The following ROBO1 variants were observed in gnomAD, a reference collection of about 807,000 sequenced individuals.
The protein encoded by ROBO1 is roundabout homolog 1.
ROBO1 carries 149 observed loss-of-function variants against 195.9 expected under a neutral mutation model. The ratio of observed to expected loss-of-function variants is 0.76; its 90% CI spans 0.67 to 0.87. The LOEUF (loss-of-function observed/expected upper bound fraction) is 0.87. Among genes scored for constraint, ROBO1 ranks in the 40% least tolerant of loss-of-function variants. ROBO1 has a pLI of 0.00. For missense variants in ROBO1, 1,933 were observed against 2,068.3 expected, an observed-to-expected ratio of 0.93 and a Z score of 1.27; for synonymous variants, 816 against 733.2, an observed-to-expected ratio of 1.11 and a Z score of -1.82.
chr3:79,330,009 C>T (rs533512732), intron 2 of ROBO1, among the ~76,000 whole-genome samples: 2 of 151,918 alleles, frequency 1.3e-5, no homozygotes, highest in African/African-American at 4.8e-5. Flanking sequence ...ATTTCAATAA[C>T]CTTATATAAT....
intron 19 of ROBO1, among the ~76,000 whole-genome samples, chr3:78,649,446 G>A (rs185857049): frequency 1.7e-4 from 26 of 152,230 alleles, no homozygotes; most frequent in Non-Finnish European, 1.2e-4. Context: ...GGTACCCAGC[G>A]AACTGGCAGA....
At chr3:79,590,431 G>A (rs927238763) in intron 1 of ROBO1, among the ~76,000 whole-genome samples, 3 of 151,708 alleles carry the variant, frequency 2.0e-5, no homozygotes, top group Non-Finnish European at 2.9e-5. Flanking sequence ...AACACCTTGA[G>A]GCCACTTTAA....
At chr3:79,510,042 G>T (rs1409185739) in intron 2 of ROBO1, among the ~76,000 whole-genome samples, 1 of 151,828 alleles carries the variant, frequency 6.6e-6, no homozygotes, top group Non-Finnish European at 1.5e-5. Flanking sequence ...AAATAAATAG[G>T]AAAGGCTATT....
chr3:79,245,330 T>C (rs1270723649), intron 2 of ROBO1, among the ~76,000 whole-genome samples: 1 of 152,146 alleles, frequency 6.6e-6, no homozygotes, highest in Non-Finnish European at 1.5e-5. Flanking sequence ...AAATTTATAC[T>C]TCATACAGGA....
intron 2 of ROBO1, among the ~76,000 whole-genome samples, chr3:79,530,982 G>A (rs560162488): frequency 2.6e-5 from 4 of 152,084 alleles, no homozygotes; most frequent in Admixed American, 6.6e-5. Flanking sequence ...TTCTGTGTGT[G>A]TTTCTTCCTT....
At chr3:78,979,115 G>C (rs1051304601) in intron 3 of ROBO1, among the ~76,000 whole-genome samples, 2 of 152,112 alleles carry the variant, frequency 1.3e-5, no homozygotes, top group African/African-American at 4.8e-5. Context: ...CTTATGGACG[G>C]GTGCTGTGTT....
chr3:78,915,639 A>G (rs558674918), intron 4 of ROBO1, among the ~76,000 whole-genome samples: 1 of 152,236 alleles, frequency 6.6e-6, no homozygotes, highest in South Asian at 2.1e-4. Flanking sequence ...AGTAAAATTT[A>G]CTGAAGATAT....
chr3:78,765,240 T>A lies in ROBO1; in HGVS notation c.500-18340A>T, dbSNP rs139347271. Among the ~76,000 whole-genome samples, 459 of 152,200 alleles carry A rather than the reference T, an allele frequency of 3.0e-3. 5 individuals are homozygous for A. Among genetic ancestry groups the A allele is most frequent in the African/African-American group, 0.01 (426 of 41,564 alleles). Reference sequence around the variant, plus strand: ...TTGCAGGGAAGGCAGGTGACTCTTTTATTTGGAACTGGGTCCACCCTAAAG... The same window carrying A: ...TTGCAGGGAAGGCAGGTGACTCTTTAATTTGGAACTGGGTCCACCCTAAAG... On this transcript the variant is annotated intron_variant, in intron 4 of 30. Transcript: ENST00000464233.
At chr3:79,513,431 A>C (rs138011586) in intron 2 of ROBO1, among the ~76,000 whole-genome samples, 1,881 of 152,156 alleles carry the variant, frequency 0.012, 32 homozygotes, top group Middle Eastern at 0.051. Flanking sequence ...GGAAAAAAAA[A>C]CTTTCAGATG....
chr3:79,625,625 C>T (rs1333459988), intron 1 of ROBO1, among the ~76,000 whole-genome samples: 2 of 151,842 alleles, frequency 1.3e-5, no homozygotes, highest in African/African-American at 4.8e-5. Flanking sequence ...GGATACATTC[C>T]TGGACATATA....
At chr3:78,801,185 A>G (rs1195609186) in intron 4 of ROBO1, among the ~76,000 whole-genome samples, 1 of 152,172 alleles carries the variant, frequency 6.6e-6, no homozygotes, top group Non-Finnish European at 1.5e-5. Flanking sequence ...TTTCCAGTCT[A>G]TTTGTCATAA....
rs372078086 is a variant in ROBO1 at position 79,039,758 on chromosome 3, C to T, written c.172+85698G>A. 9.3e-5 allele frequency among the ~76,000 whole-genome samples: 13 copies of T among 140,250 alleles called. No homozygotes were observed. The East Asian group carries it at 1.1e-3, about 12-fold the overall frequency. 92.0% of individuals were successfully genotyped at this position (140,250 alleles called of 152,430 possible). On this transcript the variant is annotated intron_variant, in intron 3 of 30. Transcript: ENST00000464233. ...AGAGGTTGCAGGTGACCCGAGATCG[C>T]GCCACTGTGCTCCAGCCTGGGCTAC...
chr3:78,848,758 A>G (rs987601128), intron 4 of ROBO1, among the ~76,000 whole-genome samples: 1 of 152,198 alleles, frequency 6.6e-6, no homozygotes, highest in Admixed American at 6.6e-5. Context: ...ACTTTATCTT[A>G]AAGTCTGTCT....
chr3:79,282,765 A>T (rs759486365), intron 2 of ROBO1, among the ~76,000 whole-genome samples: 12 of 152,184 alleles, frequency 7.9e-5, no homozygotes, highest in Non-Finnish European at 1.8e-4. Flanking sequence ...AGTAATGGGG[A>T]GAACCATGGC....
intron 1 of ROBO1, among the ~76,000 whole-genome samples, chr3:79,751,788 T>A (rs941976631): frequency 6.6e-6 from 1 of 152,196 alleles, no homozygotes; most frequent in East Asian, 1.9e-4. Context: ...ACTCATAGGA[T>A]CATTAATGAT....
chr3:78,604,305 G>A (rs1703346566), intron 29 of ROBO1, among the ~76,000 whole-genome samples: 1 of 152,090 alleles, frequency 6.6e-6, no homozygotes, highest in African/African-American at 2.4e-5. Context: ...TCCTGACCTT[G>A]TGATCCACCC....
At chr3:79,353,442 C>T (rs2035423983) in intron 2 of ROBO1, among the ~76,000 whole-genome samples, 2 of 151,794 alleles carry the variant, frequency 1.3e-5, no homozygotes, top group African/African-American at 4.8e-5. Context: ...CACAGAAGCA[C>T]ACATGTACGC....
intron 2 of ROBO1, among the ~76,000 whole-genome samples, chr3:79,366,270 C>A (rs1156619362): frequency 4.6e-5 from 7 of 152,128 alleles, no homozygotes; most frequent in Admixed American, 4.6e-4. Context: ...CTGTTTATTA[C>A]TCTTCCTAAC....
At chr3:79,024,765 C>T (rs564127768) in intron 3 of ROBO1, among the ~76,000 whole-genome samples, 5 of 152,262 alleles carry the variant, frequency 3.3e-5, no homozygotes, top group African/African-American at 1.2e-4. Context: ...ATACCTTACA[C>T]CTGAAAATTA....
Sources: allele counts gnomAD v4.1 joint callset (sites outside exome capture counted in the v4.1 genomes callset), GRCh38; gene constraint gnomAD v4.1.1; transcripts MANE v1.5; gene names NCBI Gene and HGNC (gene_info 2026-07-23, HGNC 2026-07-21).